LRRC3B: variants seen among roughly 807,000 people sequenced by gnomAD.
The protein encoded by LRRC3B is leucine-rich repeat-containing protein 3B.
A neutral mutation model predicts 12.8 loss-of-function variants in LRRC3B; 2 were observed. That is an observed-to-expected ratio of 0.16 (90% confidence interval 0.06 to 0.49). The LOEUF (loss-of-function observed/expected upper bound fraction) is 0.49. Among genes scored for constraint, LRRC3B ranks in the 20% least tolerant of loss-of-function variants. The pLI is 0.96. For missense variants in LRRC3B, 189 were observed against 319.4 expected (o/e 0.59, Z 3.11); for synonymous variants, 132 against 122.0 (o/e 1.08, Z -0.54).
intron 1 of LRRC3B, among the ~76,000 whole-genome samples, chr3:26,675,760 G>GTGTT (rs1420218516): frequency 2.6e-5 from 4 of 152,260 alleles, no homozygotes; most frequent in East Asian, 1.9e-4. Flanking sequence ...AAAATATACA[G>GTGTT]TGTTTTTAAA....
intron 1 of LRRC3B, among the ~76,000 whole-genome samples, chr3:26,645,994 A>G (rs905516453): frequency 6.6e-6 from 1 of 152,202 alleles, no homozygotes; most frequent in Admixed American, 6.5e-5. Context: ...ACTGTGGTCC[A>G]TTCCAAGTGA....
intron 1 of LRRC3B, among the ~76,000 whole-genome samples, chr3:26,697,184 C>T (rs897091642): frequency 1.3e-5 from 2 of 152,114 alleles, no homozygotes; most frequent in African/African-American, 2.4e-5. Flanking sequence ...AAAAATAACA[C>T]ACATCTATTT....
intron 1 of LRRC3B, among the ~76,000 whole-genome samples, chr3:26,642,333 G>A (rs76058790): frequency 0.011 from 1,626 of 152,288 alleles, 20 homozygotes; most frequent in African/African-American, 0.037. Flanking sequence ...CCACTGGTGT[G>A]GTGGAGGAGA....
chr3:26,635,979 C>T (rs1698860347), intron 1 of LRRC3B, among the ~76,000 whole-genome samples: 2 of 152,294 alleles, frequency 1.3e-5, no homozygotes, highest in East Asian at 1.9e-4. Context: ...TGCGCATACA[C>T]ACACATACAC....
chr3:26,643,431 T>A (rs184862646), intron 1 of LRRC3B, among the ~76,000 whole-genome samples: 1 of 152,248 alleles, frequency 6.6e-6, no homozygotes, highest in East Asian at 1.9e-4. Context: ...GAAATGGTTA[T>A]GTCAGCCCAG....
intron 1 of LRRC3B, among the ~76,000 whole-genome samples, chr3:26,663,318 TC>T (rs1463106812): frequency 6.6e-6 from 1 of 152,094 alleles, no homozygotes; most frequent in Admixed American, 6.6e-5. Flanking sequence ...TGTTTTTCAT[TC>T]CCCCCACCCC....
chr3:26,659,103 T>A (rs1699438761), intron 1 of LRRC3B, among the ~76,000 whole-genome samples: 1 of 152,198 alleles, frequency 6.6e-6, no homozygotes, highest in African/African-American at 2.4e-5. Flanking sequence ...TATGTGTATA[T>A]CGATTAATAA....
chr3:26,640,203 AC>A (rs1698994330), intron 1 of LRRC3B, among the ~76,000 whole-genome samples: 1 of 151,852 alleles, frequency 6.6e-6, no homozygotes, highest in South Asian at 2.1e-4. Flanking sequence ...GTTACCCTAA[AC>A]CCCTATCCTC....
intron 1 of LRRC3B, among the ~76,000 whole-genome samples, chr3:26,646,598 TAAAAAAAAAAAAAAAAAAA>T (rs529066996): frequency 0.37 from 36,698 of 98,594 alleles, 6,593 homozygotes; most frequent in Non-Finnish European, 0.48. Context: ...GGATAGGAGG[TAAAAAAAAAAAAAAAAAAA>T]AAAAAAAAAA....
intron 1 of LRRC3B, among the ~76,000 whole-genome samples, chr3:26,677,796 G>A (rs966526985): frequency 6.6e-6 from 1 of 151,410 alleles, no homozygotes. Context: ...CCTTTTGTTT[G>A]TTTGTTTGTT....
chr3:26,704,789 T>G (rs1478006483), intron 1 of LRRC3B, among the ~76,000 whole-genome samples: 4 of 152,202 alleles, frequency 2.6e-5, no homozygotes, highest in African/African-American at 9.6e-5. Context: ...TCATTTGTTC[T>G]TTGACTTTGC....
chr3:26,655,176 T>C (rs750495418), intron 1 of LRRC3B, among the ~76,000 whole-genome samples: 6 of 152,138 alleles, frequency 3.9e-5, no homozygotes, highest in Non-Finnish European at 7.4e-5. Context: ...AAAATAAAAA[T>C]TGTTTCTTCT....
chr3:26,678,012 T>C (rs761880453), intron 1 of LRRC3B, among the ~76,000 whole-genome samples: 11 of 152,080 alleles, frequency 7.2e-5, no homozygotes, highest in Non-Finnish European at 1.5e-4. Context: ...AGACGAGATC[T>C]CGCCATGTTG....
At chr3:26,647,148 C>T (rs557245602) in intron 1 of LRRC3B, among the ~76,000 whole-genome samples, 31 of 152,222 alleles carry the variant, frequency 2.0e-4, no homozygotes, top group African/African-American at 7.2e-4. Flanking sequence ...CCAATCACCC[C>T]ATGGCATGCT....
chr3:26,630,254 A>T (rs1410900759), intron 1 of LRRC3B, among the ~76,000 whole-genome samples: 1 of 152,166 alleles, frequency 6.6e-6, no homozygotes, highest in South Asian at 2.1e-4. Flanking sequence ...CACATATCAG[A>T]GTGCCACATT....
At chr3:26,703,144 T>C (rs1455426926) in intron 1 of LRRC3B, among the ~76,000 whole-genome samples, 1 of 152,188 alleles carries the variant, frequency 6.6e-6, no homozygotes, top group Non-Finnish European at 1.5e-5. Flanking sequence ...TCTCTTTTCC[T>C]AGTTATTTTA....
intron 1 of LRRC3B, among the ~76,000 whole-genome samples, chr3:26,706,252 T>C (rs1365106786): frequency 6.6e-6 from 1 of 152,070 alleles, no homozygotes; most frequent in East Asian, 1.9e-4. Context: ...CCAAATATCC[T>C]CACACTGGGG....
At chr3:26,675,178 A>C (rs566315449) in intron 1 of LRRC3B, among the ~76,000 whole-genome samples, 130 of 152,306 alleles carry the variant, frequency 8.5e-4, no homozygotes, top group Non-Finnish European at 1.4e-3. Flanking sequence ...AGGTAGATAC[A>C]GGTAGGAGCT....
chr3:26,666,614 TC>T (rs1699609539), intron 1 of LRRC3B, among the ~76,000 whole-genome samples: 2 of 152,130 alleles, frequency 1.3e-5, no homozygotes, highest in Admixed American at 1.3e-4. Context: ...AACAGGGAGT[TC>T]CTATATAACC....
Sources: gnomAD v4.1 joint callset for allele counts (sites outside exome capture counted in the v4.1 genomes callset) on GRCh38, gnomAD v4.1.1 for gene constraint, MANE v1.5 for transcripts, NCBI Gene and HGNC (gene_info 2026-07-23, HGNC 2026-07-21) for gene names.